ADGRA2: variants seen among roughly 807,000 people sequenced by gnomAD.
ADGRA2 encodes G-protein coupled receptor 124.
A neutral mutation model predicts 98.7 loss-of-function variants in ADGRA2; 61 were observed. The observed-to-expected ratio is 0.62, with a 90% CI of 0.50 to 0.76. The LOEUF (loss-of-function observed/expected upper bound fraction) is 0.76, where lower values mean the gene tolerates loss of function less well. Among genes scored for constraint, ADGRA2 ranks in the 30% least tolerant of loss-of-function variants. ADGRA2 has a pLI of 0.00. For synonymous variants in ADGRA2, 858 were observed against 831.5 expected, an observed-to-expected ratio of 1.03 and a Z score of -0.55; for missense variants, 1,712 against 1,860.0, an observed-to-expected ratio of 0.92 and a Z score of 1.46.
In ADGRA2 at chr8:37,797,150, C is replaced by T; in HGVS notation, c.-119C>T. 2 of 754,190 alleles carry T rather than the reference C, an allele frequency of 2.7e-6. No individual in the cohort carries two copies. Among genetic ancestry groups the T allele is most frequent in the East Asian group, 4.5e-5 (1 of 22,182 alleles). 46.7% of individuals were successfully genotyped at this position (754,190 alleles called of 1,614,324 possible). ...CGGGGCTCGCCTCCGCCCAGGGCCC[C>T]CCTCCACGCCCTCGGGAGCCCCGGG... is the stretch of plus-strand genomic sequence containing the variant. On this transcript the variant is annotated 5_prime_UTR_variant, in exon 1 of 19. Transcript: ENST00000412232. The surrounding 1 kb of genome is among the most constrained non-coding windows in gnomAD (Gnocchi z 5.3).
rs1396452775 is a variant in ADGRA2 at position 37,844,329 on chromosome 8, T to C, written c.*1974T>C. On this transcript the variant is annotated 3_prime_UTR_variant, in exon 19 of 19. Coordinates refer to ENST00000412232, the MANE Select transcript of ADGRA2 (RefSeq NM_032777.10). ...CTATAGTCATCCCTGCACTCCTGAC[T>C]TTACTCCAGGACCCAGGGTCCAACT... 6 of 871,470 alleles carry C rather than the reference T, an allele frequency of 6.9e-6. No individual in the cohort carries two copies. The highest frequency in any genetic ancestry group is 5.1e-5 in the African/African-American group (3 of 58,926). The allele number at this position is 871,470 out of a possible 1,614,324, so 54.0% of individuals were successfully genotyped here.
chr8:37,836,971 C>G (rs1805632229), intron 13 of ADGRA2, among the ~76,000 whole-genome samples: 1 of 152,224 alleles, frequency 6.6e-6, no homozygotes, highest in Non-Finnish European at 1.5e-5. Context: ...TGTGCACAGA[C>G]AGTTACGGCT....
At position 37,797,044 on chromosome 8, in the gene ADGRA2, C is replaced by T; in HGVS notation, c.-225C>T. ...CGGCCGCGCAGCTGGGAGCTGCCCG[C>T]GCTGCGCTGACAGCCGCGCCGACGT... On this transcript the variant is annotated 5_prime_UTR_variant, in exon 1 of 19. Transcript: ENST00000412232. This position sits in a 1 kb window ranked among gnomAD's most constrained non-coding sequence, Gnocchi z 5.3. The T allele has an allele frequency of 5.1e-6, 1 of 195,890 alleles. No individual in the cohort carries two copies. The highest frequency in any genetic ancestry group is 1.0e-5 in the Non-Finnish European group (1 of 98,910). The allele number at this position is 195,890 out of a possible 1,614,324, so 12.1% of individuals were successfully genotyped here.
intron 2 of ADGRA2, 53 bp from the exon 3 acceptor site, chr8:37,828,835 C>T (rs950853369): frequency 6.2e-6 from 9 of 1,441,952 alleles, no homozygotes; most frequent in African/African-American, 4.3e-5. Flanking sequence ...TCCCGGGGAG[C>T]AGGGCGGCTC....
intron 2 of ADGRA2, among the ~76,000 whole-genome samples, chr8:37,818,443 C>T (rs1011683298): frequency 2.6e-5 from 4 of 152,230 alleles, no homozygotes; most frequent in African/African-American, 9.6e-5. Flanking sequence ...CTGGAGGCTG[C>T]ATAGCAAGTG....
In ADGRA2 at chr8:37,839,056, C is replaced by T. The variant is rs1482469169; in HGVS notation, c.2360C>T (p.Thr787Ile). 3.7e-6 allele frequency: 6 copies of T among 1,609,560 alleles called. No homozygotes were observed. Among genetic ancestry groups the T allele is most frequent in the Non-Finnish European group, 1.7e-6 (2 of 1,177,714 alleles). Residue 787 changes from threonine (T) to isoleucine (I), a missense_variant, in exon 15 of 19, where the codon ACC becomes ATC. By Grantham distance (89) the Thr-to-Ile change is moderately conservative. Transcript: ENST00000412232. ...TTGCTGCTGCTCTGCCTCTTCGCCACCATCATCACCTACATCCTCAACCAC... is the reference window on the plus strand; with the variant it reads ...TTGCTGCTGCTCTGCCTCTTCGCCATCATCATCACCTACATCCTCAACCAC... ...TALLLLCLFATIITYILNHSS... is the reference protein window; with the variant it reads ...TALLLLCLFAIIITYILNHSS...
chr8:37,830,838 C>A lies in ADGRA2; in HGVS notation c.847C>A (p.His283Asn). 6.3e-7 allele frequency: 1 copy of A among 1,592,352 alleles called. No homozygotes were observed. The highest frequency in any genetic ancestry group is 2.3e-5 in the East Asian group (1 of 43,754). ...CAACGACACCCGCATCCGCTGGTAC[C>A]ACAACCGAGCCCCTGTGGAGGGTGA... Reference protein sequence around the residue: ...LGNDTRIRWYHNRAPVEGDEQ... With the variant: ...LGNDTRIRWYNNRAPVEGDEQ... Residue 283 changes from histidine to asparagine, a missense_variant, in exon 7 of 19, where the codon CAC (histidine) becomes AAC (asparagine). By Grantham distance (68) the His-to-Asn change is moderately conservative (BLOSUM62 1). Transcript: ENST00000412232. This position sits in a 1 kb window ranked among gnomAD's most constrained non-coding sequence, Gnocchi z 4.8.
chr8:37,815,117 A>G, intron 2 of ADGRA2, 150 bp downstream of exon 2: 1 of 634,814 alleles, frequency 1.6e-6, no homozygotes, highest in Non-Finnish European at 2.8e-6. Flanking sequence ...GACCCTGCCC[A>G]GGGCTTGACC....
At position 37,830,138 on chromosome 8, in the gene ADGRA2, C is replaced by T; in HGVS notation, c.718+124C>T. The T allele has an allele frequency of 1.7e-6, 1 of 585,374 alleles. No individual in the cohort carries two copies. The highest frequency in any genetic ancestry group is 2.9e-6 in the Non-Finnish European group (1 of 341,172). 36.3% of individuals were successfully genotyped at this position (585,374 alleles called of 1,614,324 possible). A position where few individuals can be genotyped will look rare whatever the true frequency, so the allele number is the denominator to read the frequency against. ...CCTTTGTATTGCAATTTGCAAAAGA[C>T]CACGACACTGAGTCCTGCTCTTGCA... On this transcript the variant is annotated intron_variant, in intron 6 of 18. Coordinates refer to ENST00000412232, the MANE Select transcript of ADGRA2 (RefSeq NM_032777.10). This position sits in a 1 kb window ranked among gnomAD's most constrained non-coding sequence, Gnocchi z 4.8.
intron 1 of ADGRA2, among the ~76,000 whole-genome samples, chr8:37,801,561 G>A (rs1804507321): frequency 6.6e-6 from 1 of 152,198 alleles, no homozygotes. Context: ...GGAAAGGACT[G>A]TTTGTAGATA....
Position 37,844,259 on chromosome 8 carries a change from T to C in ADGRA2, c.*1904T>C, listed in dbSNP as rs923009829. On this transcript the variant is annotated 3_prime_UTR_variant, in exon 19 of 19. Transcript: ENST00000412232. Reference sequence around the variant, plus strand: ...AAAGCCATCTCACAGAACATGGACATAGGCAACTTGCTCTCCCACACCAAG... The same window carrying C: ...AAAGCCATCTCACAGAACATGGACACAGGCAACTTGCTCTCCCACACCAAG... The C allele has an allele frequency of 8.9e-6, 5 of 561,184 alleles. No homozygotes were observed. Among genetic ancestry groups the C allele is most frequent in the African/African-American group, 5.6e-5 (3 of 53,292 alleles). 34.8% of individuals were successfully genotyped at this position (561,184 alleles called of 1,614,324 possible). A position where few individuals can be genotyped will look rare whatever the true frequency, so the allele number is the denominator to read the frequency against.
intron 9 of ADGRA2, 43 bp downstream of exon 9, chr8:37,833,251 C>T: frequency 2.0e-6 from 3 of 1,474,532 alleles, no homozygotes; most frequent in Admixed American, 2.0e-5. Context: ...GCTTCGGGGG[C>T]ACAGGGAAGG....
Position 37,830,610 on chromosome 8 carries a change from G to GCCGCCC in ADGRA2, c.719-98_719-97insGCCCCC. The GCCGCCC allele has an allele frequency of 1.7e-6, 1 of 579,886 alleles. No homozygotes were observed. The highest frequency in any genetic ancestry group is 1.9e-5 in the African/African-American group (1 of 53,718). 35.9% of individuals were successfully genotyped at this position (579,886 alleles called of 1,614,324 possible). ...AGCTGGAGCAGGCTGCAGGCCGAGGGCCCCGCCCCGCCCCACCCCATCCTG... is the reference window on the plus strand; with the variant it reads ...AGCTGGAGCAGGCTGCAGGCCGAGGGCCGCCCCCCCGCCCCGCCCCACCCCATCCTG... On this transcript the variant is annotated intron_variant, in intron 6 of 18. Transcript: ENST00000412232. The surrounding 1 kb of genome is among the most constrained non-coding windows in gnomAD (Gnocchi z 4.8).
Position 37,844,563 on chromosome 8 carries a change from G to C in ADGRA2, c.*2208G>C. 1 of 1,614,072 alleles carries C rather than the reference G, an allele frequency of 6.2e-7. No individual in the cohort carries two copies. The highest frequency in any genetic ancestry group is 8.5e-7 in the Non-Finnish European group (1 of 1,180,016). ...TCTCTGAAAGTCCCTAACTTCCTGAGGGGTACGCAAATACTGTTCTATTTC... is the reference window on the plus strand; with the variant it reads ...TCTCTGAAAGTCCCTAACTTCCTGACGGGTACGCAAATACTGTTCTATTTC... On this transcript the variant is annotated 3_prime_UTR_variant, in exon 19 of 19. Transcript: ENST00000412232.
Position 37,837,437 on chromosome 8 carries a change from C to T in ADGRA2, c.2051-294C>T, listed in dbSNP as rs191303491. Among the ~76,000 whole-genome samples the T allele has an allele frequency of 1.2e-3, 190 of 152,154 alleles. 2 individuals carry two copies. Among genetic ancestry groups the T allele is most frequent in the Admixed American group, 0.01 (157 of 15,290 alleles). ...TTCTGTGTTCTTGTCCCTGAGCCCC[C>T]GCCAGCCTGAGTCCTCACCATGGAG... is the stretch of plus-strand genomic sequence containing the variant. On this transcript the variant is annotated intron_variant, in intron 13 of 18. Coordinates refer to ENST00000412232, the MANE Select transcript of ADGRA2 (RefSeq NM_032777.10).
chr8:37,819,525 T>C lies in ADGRA2; in HGVS notation c.338+4558T>C, dbSNP rs541700001. Among the ~76,000 whole-genome samples, 3 of 151,438 alleles carry C rather than the reference T, an allele frequency of 2.0e-5. No individual in the cohort carries two copies. The East Asian group carries it at 5.9e-4, about 30-fold the overall frequency. On this transcript the variant is annotated intron_variant, in intron 2 of 18. Transcript: ENST00000412232. ...CTGGGATTACAGGCACACGCCACCA[T>C]GCCCAGCTAATTTTTGTATTTTTAG...
rs1585972190 is a variant in ADGRA2 at position 37,811,306 on chromosome 8, A to G, written c.267-3590A>G. Among the ~76,000 whole-genome samples, 4 of 147,672 alleles carry G rather than the reference A, an allele frequency of 2.7e-5. No homozygotes were observed. The South Asian group carries it at 9.1e-4, about 33-fold the overall frequency. ...TGCCTCAGCCTCCCAAGTGGCTGGGATTACAGGCGCCTGCCACCACGCCTG... is the reference window on the plus strand; with the variant it reads ...TGCCTCAGCCTCCCAAGTGGCTGGGGTTACAGGCGCCTGCCACCACGCCTG... On this transcript the variant is annotated intron_variant, in intron 1 of 18. Transcript: ENST00000412232.
At chr8:37,839,412 C>A in intron 15 of ADGRA2, 87 bp from the exon 16 acceptor site, 1 of 1,562,380 alleles carries the variant, frequency 6.4e-7, no homozygotes, top group Non-Finnish European at 8.7e-7. Flanking sequence ...TATGTGCCTG[C>A]CCCCCGTGGC....
chr8:37,809,848 G>A lies in ADGRA2; in HGVS notation c.267-5048G>A, dbSNP rs528695769. Reference sequence around the variant, plus strand: ...GGGAAGAGAGAGAGAGGCCGAGACCGGGACTGCATGAAGTCTGGGCTCAGG... The same window carrying A: ...GGGAAGAGAGAGAGAGGCCGAGACCAGGACTGCATGAAGTCTGGGCTCAGG... On this transcript the variant is annotated intron_variant, in intron 1 of 18. Coordinates refer to ENST00000412232, the MANE Select transcript of ADGRA2 (RefSeq NM_032777.10). Among the ~76,000 whole-genome samples, 6 of 152,200 alleles carry A rather than the reference G, an allele frequency of 3.9e-5. No homozygotes were observed. The South Asian group carries it at 6.2e-4, about 16-fold the overall frequency.
Sources: allele counts gnomAD v4.1 joint callset (sites outside exome capture counted in the v4.1 genomes callset), GRCh38; gene constraint gnomAD v4.1.1; non-coding constraint Gnocchi (gnomAD v3.1); transcripts MANE v1.5; gene names NCBI Gene and HGNC (gene_info 2026-07-23, HGNC 2026-07-21).